MAPRE2: variants seen among roughly 807,000 people sequenced by gnomAD.
The protein encoded by MAPRE2 is microtubule associated protein RP/EB family member 2.
In MAPRE2, 13 loss-of-function variants were observed where a neutral mutation model predicts 43.2. That is an observed-to-expected ratio of 0.30 (90% CI 0.20 to 0.48). MAPRE2 has a LOEUF of 0.48. Ranked by LOEUF, MAPRE2 falls within the 20% of genes least tolerant of loss-of-function variation. The probability of loss-of-function intolerance (pLI) is 0.99; values close to 1 mark genes in which losing one functional copy is unlikely to be tolerated. For synonymous variants in MAPRE2, 135 were observed against 148.8 expected (o/e 0.91, Z 0.68); for missense variants, 161 against 400.2 (o/e 0.40, Z 5.10).
At chr18:35,121,173 C>T (rs931372627) in intron 4 of MAPRE2, among the ~76,000 whole-genome samples, 12 of 152,188 alleles carry the variant, frequency 7.9e-5, no homozygotes, top group South Asian at 2.1e-4. Context: ...TTGCTTCATC[C>T]TTCTGAATCC....
intron 2 of MAPRE2, among the ~76,000 whole-genome samples, chr18:35,031,243 G>C (rs756495472): frequency 6.6e-6 from 1 of 152,198 alleles, no homozygotes; most frequent in African/African-American, 2.4e-5. Context: ...GTCTAGAATT[G>C]TTCCTAGCAC....
Position 35,140,576 on chromosome 18 carries a change from C to G in MAPRE2, c.*207C>G. The G allele has an allele frequency of 3.6e-6, 2 of 557,170 alleles. No individual in the cohort carries two copies. The highest frequency in any genetic ancestry group is 6.4e-6 in the Non-Finnish European group (2 of 311,532). 34.5% of individuals were successfully genotyped at this position (557,170 alleles called of 1,614,324 possible). On this transcript the variant is annotated 3_prime_UTR_variant, in exon 7 of 7. Coordinates refer to ENST00000300249, the MANE Select transcript of MAPRE2 (RefSeq NM_014268.4). Reference sequence around the variant, plus strand: ...AGCGGACGGCCCTCTGGCCACCTACCCGAGAGATCGTAGGGTCACATACAT... The same window carrying G: ...AGCGGACGGCCCTCTGGCCACCTACGCGAGAGATCGTAGGGTCACATACAT...
chr18:34,987,832 G>A (rs1046091531), intron 1 of MAPRE2, among the ~76,000 whole-genome samples: 5 of 151,630 alleles, frequency 3.3e-5, no homozygotes, highest in Admixed American at 6.6e-5. Context: ...TTGTAGAGAC[G>A]GGGTTTCACC....
At chr18:35,058,382 A>C (rs1459832206) in intron 1 of MAPRE2, among the ~76,000 whole-genome samples, 7 of 152,228 alleles carry the variant, frequency 4.6e-5, no homozygotes, top group African/African-American at 7.2e-5. Context: ...CCAATCTCTA[A>C]GAGTAGAATA....
chr18:35,109,282 G>GGT (rs1401963941), intron 4 of MAPRE2, among the ~76,000 whole-genome samples: 3 of 152,054 alleles, frequency 2.0e-5, no homozygotes, highest in Admixed American at 6.6e-5. Context: ...GTAGATGTGT[G>GGT]GTGTTATTTC....
At chr18:35,001,299 G>T (rs1220681401) in intron 1 of MAPRE2, among the ~76,000 whole-genome samples, 1 of 152,120 alleles carries the variant, frequency 6.6e-6, no homozygotes, top group African/African-American at 2.4e-5. Context: ...CCTCACTTGA[G>T]GCCAGGAGTT....
intron 1 of MAPRE2, chr18:34,978,620 G>A: frequency 7.8e-7 from 1 of 1,276,030 alleles, no homozygotes; most frequent in Non-Finnish European, 1.1e-6. Context: ...GCAAAAAGGG[G>A]TATGGCTCTT....
At chr18:35,127,780 A>G (rs972739506) in intron 5 of MAPRE2, among the ~76,000 whole-genome samples, 9 of 152,226 alleles carry the variant, frequency 5.9e-5, no homozygotes, top group African/African-American at 1.9e-4. Context: ...TTTAAGTAGA[A>G]GAGCTTTCCT....
intron 1 of MAPRE2, among the ~76,000 whole-genome samples, chr18:35,002,907 A>G (rs2097030063): frequency 1.3e-5 from 2 of 152,110 alleles, no homozygotes; most frequent in African/African-American, 4.8e-5. Context: ...GATGAAGTCC[A>G]ATTTACCAAT....
intron 1 of MAPRE2, among the ~76,000 whole-genome samples, chr18:34,980,494 C>CTCTGTAG (rs2097015656): frequency 6.6e-6 from 1 of 152,142 alleles, no homozygotes; most frequent in Non-Finnish European, 1.5e-5. Context: ...GGGGCACAGA[C>CTCTGTAG]TCTGTTAGTT....
At chr18:35,102,202 T>C (rs1908711542) in intron 4 of MAPRE2, 43 bp downstream of exon 4, 1 of 1,430,830 alleles carries the variant, frequency 7.0e-7, no homozygotes. Context: ...TCATCTTTGA[T>C]AATGGCTCAG....
intron 4 of MAPRE2, among the ~76,000 whole-genome samples, chr18:35,108,067 G>A (rs1341432227): frequency 6.6e-6 from 1 of 151,608 alleles, no homozygotes; most frequent in African/African-American, 2.4e-5. Flanking sequence ...ATAGGTATAT[G>A]TGTGCCATGA....
chr18:35,051,704 T>G (rs1376945397), intron 1 of MAPRE2, among the ~76,000 whole-genome samples: 1 of 152,212 alleles, frequency 6.6e-6, no homozygotes, highest in Non-Finnish European at 1.5e-5. Context: ...GTGAGACTTT[T>G]ACTTTCTGTC....
chr18:34,996,128 C>T (rs1369933712), intron 1 of MAPRE2, among the ~76,000 whole-genome samples: 1 of 152,108 alleles, frequency 6.6e-6, no homozygotes, highest in Non-Finnish European at 1.5e-5. Context: ...AAACAGCAGT[C>T]AGGAATTTTT....
intron 1 of MAPRE2, among the ~76,000 whole-genome samples, chr18:35,052,469 T>C (rs940055440): frequency 9.2e-5 from 14 of 152,240 alleles, no homozygotes; most frequent in African/African-American, 3.4e-4. Context: ...TGCTCACCAG[T>C]TGATGAACAT....
intron 5 of MAPRE2, among the ~76,000 whole-genome samples, chr18:35,129,680 G>A (rs886811210): frequency 2.0e-5 from 3 of 152,210 alleles, no homozygotes; most frequent in Admixed American, 6.5e-5. Flanking sequence ...GTGGGGCCAC[G>A]GATGGGTGTC....
intron 1 of MAPRE2, among the ~76,000 whole-genome samples, chr18:35,054,296 C>G (rs1009867289): frequency 1.3e-5 from 2 of 152,188 alleles, no homozygotes; most frequent in African/African-American, 4.8e-5. Context: ...AGAATCTGTT[C>G]AGAAATCTTT....
intron 2 of MAPRE2, among the ~76,000 whole-genome samples, chr18:35,023,687 G>T (rs2097043362): frequency 6.6e-6 from 1 of 151,876 alleles, no homozygotes; most frequent in Non-Finnish European, 1.5e-5. Flanking sequence ...GAGAAGAATT[G>T]GTAAGATTTG....
chr18:35,002,299 T>A (rs1275061393), intron 1 of MAPRE2, among the ~76,000 whole-genome samples: 1 of 152,244 alleles, frequency 6.6e-6, no homozygotes, highest in East Asian at 1.9e-4. Flanking sequence ...TGGGTAGTAT[T>A]CTGAAGTTTG....
Sources: allele counts gnomAD v4.1 joint callset (sites outside exome capture counted in the v4.1 genomes callset), GRCh38; gene constraint gnomAD v4.1.1; transcripts MANE v1.5; gene names NCBI Gene and HGNC (gene_info 2026-07-23, HGNC 2026-07-21).